Variants in MYO3B observed in about 807,000 individuals in gnomAD.
MYO3B encodes myosin IIIB.
MYO3B carries 156 observed loss-of-function variants against 174.6 expected under a neutral mutation model. The observed-to-expected ratio is 0.89, with a 90% confidence interval of 0.78 to 1.02. The LOEUF (loss-of-function observed/expected upper bound fraction) is 1.02. Ranked by LOEUF, MYO3B falls within the 50% of genes least tolerant of loss-of-function variation. The pLI, the probability that MYO3B is intolerant of heterozygous loss-of-function variation, is 0.00. For missense variants in MYO3B, 1,632 were observed against 1,639.4 expected, an observed-to-expected ratio of 1.00 and a Z score of 0.08; for synonymous variants, 563 against 569.1, an observed-to-expected ratio of 0.99 and a Z score of 0.15.
chr2:170,431,698 A>G (rs2094710430), intron 22 of MYO3B, among the ~76,000 whole-genome samples: 1 of 152,258 alleles, frequency 6.6e-6, no homozygotes, highest in African/African-American at 2.4e-5. Flanking sequence ...TGCCACATGC[A>G]AGATAAAGTT....
chr2:170,390,758 A>G (rs1359829679), intron 14 of MYO3B, among the ~76,000 whole-genome samples: 1 of 152,124 alleles, frequency 6.6e-6, no homozygotes, highest in African/African-American at 2.4e-5. Context: ...GTGCTAAGGG[A>G]CCACTTTTTA....
At chr2:170,406,408 A>T (rs1181870921) in intron 21 of MYO3B, among the ~76,000 whole-genome samples, 1 of 152,292 alleles carries the variant, frequency 6.6e-6, no homozygotes, top group South Asian at 2.1e-4. Flanking sequence ...GATTTTCCTA[A>T]CTGGATGTTG....
intron 7 of MYO3B, among the ~76,000 whole-genome samples, chr2:170,263,868 C>G (rs567563957): frequency 6.6e-6 from 1 of 152,124 alleles, no homozygotes; most frequent in Non-Finnish European, 1.5e-5. Flanking sequence ...ACCGGTATCT[C>G]GGGCTGGGGG....
intron 22 of MYO3B, among the ~76,000 whole-genome samples, chr2:170,423,737 C>T (rs1431515224): frequency 1.3e-5 from 2 of 152,042 alleles, no homozygotes; most frequent in Non-Finnish European, 2.9e-5. Context: ...TGCACCACCA[C>T]ACCCAGCTAA....
chr2:170,600,863 T>C (rs1694463825), intron 32 of MYO3B, among the ~76,000 whole-genome samples: 2 of 152,190 alleles, frequency 1.3e-5, no homozygotes. Flanking sequence ...ACTTTGAAAA[T>C]GTTTGCTTCT....
chr2:170,543,182 C>T (rs1690236184), intron 31 of MYO3B, among the ~76,000 whole-genome samples: 1 of 152,122 alleles, frequency 6.6e-6, no homozygotes, highest in South Asian at 2.1e-4. Flanking sequence ...GAATCAAAAG[C>T]CTGGAAATTT....
intron 9 of MYO3B, among the ~76,000 whole-genome samples, chr2:170,377,116 T>A (rs530154992): frequency 1.2e-4 from 19 of 152,210 alleles, no homozygotes; most frequent in Non-Finnish European, 2.6e-4. Context: ...AAAATATGTT[T>A]GTCAATATAG....
At chr2:170,424,900 C>G (rs1315713209) in intron 22 of MYO3B, among the ~76,000 whole-genome samples, 1 of 152,240 alleles carries the variant, frequency 6.6e-6, no homozygotes, top group East Asian at 1.9e-4. Context: ...TTCTGCTTCT[C>G]TCTGCCAGCA....
chr2:170,582,621 C>G (rs1400773707), intron 32 of MYO3B, among the ~76,000 whole-genome samples: 3 of 152,166 alleles, frequency 2.0e-5, no homozygotes. Context: ...CTTTCTGCCA[C>G]TTTGCCACCC....
chr2:170,291,836 A>G (rs1357165199), intron 7 of MYO3B, among the ~76,000 whole-genome samples: 1 of 151,590 alleles, frequency 6.6e-6, no homozygotes, highest in Non-Finnish European at 1.5e-5. Context: ...TTTCCTTCTT[A>G]TCTCTTGCTG....
chr2:170,209,213 C>T (rs1196446249), intron 3 of MYO3B, among the ~76,000 whole-genome samples: 1 of 152,200 alleles, frequency 6.6e-6, no homozygotes, highest in African/African-American at 2.4e-5. Context: ...CTGATGCAAA[C>T]AACTACATTG....
At chr2:170,226,935 G>A (rs1168879066) in intron 6 of MYO3B, among the ~76,000 whole-genome samples, 2 of 152,310 alleles carry the variant, frequency 1.3e-5, no homozygotes, top group Middle Eastern at 6.8e-3. Flanking sequence ...AACTGATTCT[G>A]TTACTGCAGG....
chr2:170,394,023 A>T (rs948410855), intron 16 of MYO3B, among the ~76,000 whole-genome samples: 3 of 152,208 alleles, frequency 2.0e-5, no homozygotes, highest in African/African-American at 7.2e-5. Context: ...GTCATGCCAA[A>T]GTACGCAGGG....
chr2:170,423,354 G>A (rs891555582), intron 22 of MYO3B, among the ~76,000 whole-genome samples: 16 of 152,014 alleles, frequency 1.1e-4, no homozygotes, highest in South Asian at 6.2e-4. Context: ...TCGCTGCATC[G>A]GCCACAGAAG....
intron 6 of MYO3B, among the ~76,000 whole-genome samples, chr2:170,229,322 T>G (rs2092989349): frequency 6.6e-6 from 1 of 152,204 alleles, no homozygotes; most frequent in South Asian, 2.1e-4. Context: ...ATTAATAGCT[T>G]TAGGTCTGTT....
intron 7 of MYO3B, among the ~76,000 whole-genome samples, chr2:170,250,321 T>G (rs1025541395): frequency 6.6e-6 from 1 of 152,240 alleles, no homozygotes; most frequent in Non-Finnish European, 1.5e-5. Flanking sequence ...TACTGGACCA[T>G]AGGCTCAACA....
intron 32 of MYO3B, among the ~76,000 whole-genome samples, chr2:170,582,267 A>G (rs1481546716): frequency 2.0e-5 from 3 of 152,232 alleles, no homozygotes; most frequent in African/African-American, 7.2e-5. Flanking sequence ...CATTCAGAGA[A>G]GCAAATGAAG....
At chr2:170,388,363 A>G (rs79922557) in intron 14 of MYO3B, among the ~76,000 whole-genome samples, 2,433 of 152,284 alleles carry the variant, frequency 0.016, 63 homozygotes, top group African/African-American at 0.056. Flanking sequence ...AAACGAGAGA[A>G]GGGAACGACA....
At chr2:170,497,354 C>A (rs182890922) in intron 25 of MYO3B, among the ~76,000 whole-genome samples, 2 of 152,226 alleles carry the variant, frequency 1.3e-5, no homozygotes, top group African/African-American at 4.8e-5. Flanking sequence ...CGGTGGCTCA[C>A]GCCTGTAATC....
Sources: gnomAD v4.1 joint callset for allele counts (sites outside exome capture counted in the v4.1 genomes callset) on GRCh38, gnomAD v4.1.1 for gene constraint, MANE v1.5 for transcripts, NCBI Gene and HGNC (gene_info 2026-07-23, HGNC 2026-07-21) for gene names.